Variants in SLC30A8 observed in about 807,000 individuals in gnomAD.
SLC30A8 encodes solute carrier family 30 member 8, also known as proton-coupled zinc antiporter SLC30A8.
SLC30A8 carries 27 observed loss-of-function variants against 36.9 expected under a neutral mutation model. That is an observed-to-expected ratio of 0.73 (90% CI 0.54 to 1.01). The LOEUF is 1.01. SLC30A8 is among the 50% of genes least tolerant of loss of function. The pLI, the probability that SLC30A8 is intolerant of heterozygous loss-of-function variation, is 0.00. For synonymous variants in SLC30A8, 164 were observed against 172.4 expected, an observed-to-expected ratio of 0.95 and a Z score of 0.38; for missense variants, 439 against 452.0, an observed-to-expected ratio of 0.97 and a Z score of 0.26.
intron 2 of SLC30A8, among the ~76,000 whole-genome samples, chr8:117,080,453 G>A (rs1818637688): frequency 2.0e-5 from 3 of 152,146 alleles, no homozygotes; most frequent in South Asian, 2.1e-4. Context: ...TCTTACCCAC[G>A]TAGTGAGCAT....
chr8:117,002,667 C>A (rs1430928136), intron 1 of SLC30A8, among the ~76,000 whole-genome samples: 1 of 152,044 alleles, frequency 6.6e-6, no homozygotes, highest in Non-Finnish European at 1.5e-5. Flanking sequence ...TGCAGTGGCG[C>A]AATCTTGGCT....
intron 1 of SLC30A8, among the ~76,000 whole-genome samples, chr8:116,952,714 C>T (rs1814037114): frequency 6.6e-6 from 1 of 152,152 alleles, no homozygotes; most frequent in Non-Finnish European, 1.5e-5. Flanking sequence ...ACCTTGGCCT[C>T]CCAAAGTGCT....
At chr8:117,022,018 G>C (rs115429178) in intron 1 of SLC30A8, among the ~76,000 whole-genome samples, 1 of 151,478 alleles carries the variant, frequency 6.6e-6, no homozygotes. Flanking sequence ...GTTTAAAAAG[G>C]TAAGTTCCTT....
At position 117,175,458 on chromosome 8, in the gene SLC30A8, G is replaced by A. The variant is rs986326148; in HGVS notation, c.*2777G>A. 1.3e-5 allele frequency: 2 copies of A among 152,068 alleles called. No individual in the cohort carries two copies. Among genetic ancestry groups the A allele is most frequent in the African/African-American group, 2.4e-5 (1 of 41,432 alleles). 9.4% of individuals were successfully genotyped at this position (152,068 alleles called of 1,614,324 possible). On this transcript the variant is annotated 3_prime_UTR_variant, in exon 8 of 8. Transcript: ENST00000456015. ...GAATGTTGAAGGACATGAAAGAAAG[G>A]ATGTTTACACATTAAGCATCAGTTC...
chr8:117,153,800 C>A (rs747153941), intron 3 of SLC30A8, among the ~76,000 whole-genome samples: 2 of 151,422 alleles, frequency 1.3e-5, no homozygotes, highest in Non-Finnish European at 2.9e-5. Context: ...AGGAGGAAAG[C>A]AAACACGTGC....
chr8:116,959,110 A>G (rs1031344768), intron 1 of SLC30A8, among the ~76,000 whole-genome samples: 1 of 151,928 alleles, frequency 6.6e-6, no homozygotes, highest in Non-Finnish European at 1.5e-5. Flanking sequence ...CGGCCTCCCA[A>G]AGTGCTGGGA....
intron 2 of SLC30A8, among the ~76,000 whole-genome samples, chr8:117,093,979 G>A (rs1426603404): frequency 6.6e-6 from 1 of 152,246 alleles, no homozygotes; most frequent in Non-Finnish European, 1.5e-5. Context: ...GGCTCCCTGC[G>A]AGGCTTTGGC....
At chr8:116,977,231 C>T (rs1028973960) in intron 1 of SLC30A8, among the ~76,000 whole-genome samples, 1 of 135,844 alleles carries the variant, frequency 7.4e-6, no homozygotes, top group African/African-American at 2.8e-5. Context: ...TCACTGCAAG[C>T]TCCGCCTCCT....
chr8:117,120,272 C>T (rs375887126), intron 2 of SLC30A8, among the ~76,000 whole-genome samples: 1 of 151,866 alleles, frequency 6.6e-6, no homozygotes, highest in African/African-American at 2.4e-5. Flanking sequence ...GACAGATATA[C>T]AGACCGATGG....
chr8:116,960,589 G>A lies in SLC30A8; in HGVS notation c.-266+9470G>A, dbSNP rs548906380. Among the ~76,000 whole-genome samples the A allele has an allele frequency of 3.3e-5, 5 of 152,240 alleles. No individual in the cohort carries two copies. In the South Asian group the frequency reaches 8.3e-4, roughly 25 times the overall value. On this transcript the variant is annotated intron_variant, in intron 1 of 10. Transcript: ENST00000427715. ...TAGACTTGTCTCCACATACAACGTCGCAGTAAGAGGTAGAAATAGTAGAAT... is the reference window on the plus strand; with the variant it reads ...TAGACTTGTCTCCACATACAACGTCACAGTAAGAGGTAGAAATAGTAGAAT...
rs556680594 is a variant in SLC30A8 at position 117,158,132 on chromosome 8, T to C, written c.572+288T>C. 2.6e-5 allele frequency among the ~76,000 whole-genome samples: 4 copies of C among 152,342 alleles called. No homozygotes were observed. In the East Asian group the frequency reaches 7.7e-4, roughly 29 times the overall value. ...AACTTTAATGTTCACAACACCCCTA[T>C]GTTATAGATTAGGAAACTAAAGCCC... On this transcript the variant is annotated intron_variant, in intron 4 of 7. Coordinates refer to ENST00000456015, the MANE Select transcript of SLC30A8 (RefSeq NM_173851.3).
At chr8:116,954,673 G>A (rs1176158055) in intron 1 of SLC30A8, among the ~76,000 whole-genome samples, 2 of 152,220 alleles carry the variant, frequency 1.3e-5, no homozygotes, top group Admixed American at 1.3e-4. Context: ...AATGAAAACA[G>A]TGAATGTATA....
At chr8:117,065,969 A>T (rs1217243288) in intron 2 of SLC30A8, among the ~76,000 whole-genome samples, 1 of 152,110 alleles carries the variant, frequency 6.6e-6, no homozygotes, top group East Asian at 1.9e-4. Flanking sequence ...TTTGCCACAG[A>T]TGGATCCCAT....
intron 2 of SLC30A8, among the ~76,000 whole-genome samples, chr8:117,151,179 T>G (rs1822167859): frequency 6.6e-6 from 1 of 152,204 alleles, no homozygotes; most frequent in Non-Finnish European, 1.5e-5. Flanking sequence ...TTGCTAATTC[T>G]TACCCCTCTC....
intron 2 of SLC30A8, among the ~76,000 whole-genome samples, chr8:117,071,591 G>A (rs1818331368): frequency 1.3e-5 from 2 of 151,972 alleles, no homozygotes; most frequent in African/African-American, 2.4e-5. Flanking sequence ...TTTGTTGCCT[G>A]TGCTTTTGGG....
chr8:117,160,231 G>A (rs907097017), intron 4 of SLC30A8, among the ~76,000 whole-genome samples: 1 of 152,196 alleles, frequency 6.6e-6, no homozygotes, highest in Non-Finnish European at 1.5e-5. Flanking sequence ...ACAGCCTTAA[G>A]GCTATTGCCT....
intron 1 of SLC30A8, among the ~76,000 whole-genome samples, chr8:117,141,106 A>AT (rs1821631311): frequency 6.6e-6 from 1 of 152,148 alleles, no homozygotes. Context: ...TTAAAATAGA[A>AT]TTAATATTAA....
At chr8:117,080,142 A>G (rs144728770) in intron 2 of SLC30A8, among the ~76,000 whole-genome samples, 1 of 152,204 alleles carries the variant, frequency 6.6e-6, no homozygotes, top group Non-Finnish European at 1.5e-5. Context: ...TATCTGGTAC[A>G]ATTTTTTAAA....
chr8:117,172,217 A>G (rs887752293), intron 7 of SLC30A8, among the ~76,000 whole-genome samples: 2 of 152,162 alleles, frequency 1.3e-5, no homozygotes, highest in African/African-American at 4.8e-5. Flanking sequence ...GCAGGGCTGT[A>G]TAAGAAATAA....
Sources: gnomAD v4.1 joint callset for allele counts (sites outside exome capture counted in the v4.1 genomes callset) on GRCh38, gnomAD v4.1.1 for gene constraint, MANE v1.5 for transcripts, NCBI Gene and HGNC (gene_info 2026-07-23, HGNC 2026-07-21) for gene names.